CEP63: variants seen among roughly 807,000 people sequenced by gnomAD.
CEP63 encodes the protein centrosomal protein of 63 kDa.
CEP63 carries 84 observed loss-of-function variants against 89.1 expected under a neutral mutation model. The ratio of observed to expected loss-of-function variants is 0.94; its 90% CI spans 0.79 to 1.13. The LOEUF (loss-of-function observed/expected upper bound fraction) is 1.13. CEP63 is among the 50% of genes most tolerant of loss of function. The pLI is 0.00. For missense variants in CEP63, 838 were observed against 813.3 expected, an observed-to-expected ratio of 1.03 and a Z score of -0.37; for synonymous variants, 267 against 272.5, an observed-to-expected ratio of 0.98 and a Z score of 0.20.
chr3:134,547,043 AGTTTTTTTGGTACAGG>A (rs1953526719), intron 8 of CEP63, among the ~76,000 whole-genome samples: 1 of 152,106 alleles, frequency 6.6e-6, no homozygotes, highest in Non-Finnish European at 1.5e-5. Context: ...GTAACTTTTC[AGTTTTTTTGGTACAGG>A]GTTTCAAGTG....
At chr3:134,550,718 G>A (rs1215043117) in intron 11 of CEP63, among the ~76,000 whole-genome samples, 6 of 152,188 alleles carry the variant, frequency 3.9e-5, no homozygotes, top group Non-Finnish European at 7.3e-5. Context: ...GGCTGCTGAA[G>A]GGCTACGTTA....
the CEP63 span, among the ~76,000 whole-genome samples, chr3:134,663,892 C>T: frequency 6.6e-6 from 1 of 152,210 alleles, no homozygotes; most frequent in Non-Finnish European, 1.5e-5. Flanking sequence ...CTGAGCCAGG[C>T]CTTCTCCCAC....
At chr3:134,620,841 C>T in the CEP63 span, 3 of 1,611,504 alleles carry the variant, frequency 1.9e-6, no homozygotes, top group Non-Finnish European at 1.7e-6. Context: ...TTCGTCTAGG[C>T]CACTCTTGGC....
At chr3:134,670,029 A>G in the CEP63 span, among the ~76,000 whole-genome samples, 1 of 152,292 alleles carries the variant, frequency 6.6e-6, no homozygotes, top group East Asian at 1.9e-4. Context: ...ATGAGAGGTT[A>G]TGGTGAAAAG....
downstream of CEP63, among the ~76,000 whole-genome samples, chr3:134,566,045 G>A (rs1957743210): frequency 6.6e-6 from 1 of 152,276 alleles, no homozygotes; most frequent in Admixed American, 6.5e-5. Context: ...AATTTAGAGG[G>A]ATGATAGACT....
the CEP63 span, among the ~76,000 whole-genome samples, chr3:134,666,121 G>A: frequency 6.6e-6 from 1 of 152,178 alleles, no homozygotes; most frequent in African/African-American, 2.4e-5. Flanking sequence ...TGGCATCAAA[G>A]TGAGGGTAGA....
chr3:134,648,410 G>A, the CEP63 span, among the ~76,000 whole-genome samples: 1 of 152,198 alleles, frequency 6.6e-6, no homozygotes, highest in Non-Finnish European at 1.5e-5. Context: ...CACCTATGGA[G>A]TAGAATACAC....
the CEP63 span, among the ~76,000 whole-genome samples, chr3:134,710,444 C>T: frequency 6.6e-6 from 1 of 152,290 alleles, no homozygotes; most frequent in South Asian, 2.1e-4. Flanking sequence ...GCCCAGGTTC[C>T]GGTGGAATCT....
At chr3:134,719,189 G>C in the CEP63 span, among the ~76,000 whole-genome samples, 1 of 151,740 alleles carries the variant, frequency 6.6e-6, no homozygotes, top group South Asian at 2.1e-4. Flanking sequence ...TTAAAATAGA[G>C]ACAGGGTCTC....
the CEP63 span, among the ~76,000 whole-genome samples, chr3:134,701,403 CATAT>C: frequency 2.4e-4 from 6 of 24,606 alleles, no homozygotes; most frequent in Non-Finnish European, 6.0e-4. Context: ...TGTATATATA[CATAT>C]ACACACATAT....
the CEP63 span, among the ~76,000 whole-genome samples, chr3:134,725,522 G>A: frequency 6.3e-3 from 955 of 152,198 alleles, 3 homozygotes; most frequent in Middle Eastern, 0.01. Flanking sequence ...TAAGTTGCCA[G>A]GTTTTTACTT....
intron 6 of CEP63, among the ~76,000 whole-genome samples, chr3:134,539,529 A>G (rs1372973443): frequency 6.6e-6 from 1 of 152,180 alleles, no homozygotes; most frequent in Non-Finnish European, 1.5e-5. Flanking sequence ...GTCTGTTCAC[A>G]TTTCTCCAGT....
the CEP63 span, among the ~76,000 whole-genome samples, chr3:134,719,415 G>A: frequency 5.3e-5 from 8 of 152,104 alleles, no homozygotes; most frequent in East Asian, 1.3e-3. Flanking sequence ...ACTTTCCTAG[G>A]ATATAGATTA....
chr3:134,682,288 G>C, the CEP63 span, among the ~76,000 whole-genome samples: 3 of 152,080 alleles, frequency 2.0e-5, no homozygotes, highest in African/African-American at 7.2e-5. Flanking sequence ...AGTCACTCTG[G>C]GTACCTTTTT....
chr3:134,764,079 A>G, the CEP63 span, among the ~76,000 whole-genome samples: 12 of 152,240 alleles, frequency 7.9e-5, no homozygotes, highest in Non-Finnish European at 1.5e-4. Flanking sequence ...ATTTAGAAGC[A>G]TATGGTAGAA....
At chr3:134,674,785 C>G in the CEP63 span, among the ~76,000 whole-genome samples, 5 of 151,996 alleles carry the variant, frequency 3.3e-5, no homozygotes, top group Non-Finnish European at 7.4e-5. Flanking sequence ...AGTGAACATT[C>G]CAAGAATGAA....
At chr3:134,678,639 TG>T in the CEP63 span, among the ~76,000 whole-genome samples, 8 of 152,270 alleles carry the variant, frequency 5.3e-5, no homozygotes, top group African/African-American at 1.4e-4. Context: ...ACTTATGAAG[TG>T]GGTTCTATAA....
chr3:134,499,436 C>T (rs750320299), intron 2 of CEP63, among the ~76,000 whole-genome samples: 5 of 151,778 alleles, frequency 3.3e-5, no homozygotes, highest in East Asian at 1.9e-4. Context: ...AATGGTTTAT[C>T]GATTTTGTCT....
At chr3:134,645,251 C>A in the CEP63 span, among the ~76,000 whole-genome samples, 1 of 152,188 alleles carries the variant, frequency 6.6e-6, no homozygotes, top group Non-Finnish European at 1.5e-5. Context: ...CGGCTGGGCC[C>A]AAACACCTGC....
Sources: allele counts gnomAD v4.1 joint callset (sites outside exome capture counted in the v4.1 genomes callset), GRCh38; gene constraint gnomAD v4.1.1; transcripts MANE v1.5; gene names NCBI Gene and HGNC (gene_info 2026-07-23, HGNC 2026-07-21).